GPC5: variants seen among roughly 807,000 people sequenced by gnomAD.
GPC5 encodes the protein glypican-5.
Under a neutral mutation model 53.9 loss-of-function variants are expected in GPC5, and 47 were observed. The ratio of observed to expected loss-of-function variants is 0.87; its 90% CI spans 0.69 to 1.11. The LOEUF (loss-of-function observed/expected upper bound fraction) is 1.11, where lower values mean the gene tolerates loss of function less well. GPC5 is among the 50% of genes most tolerant of loss of function. GPC5 has a pLI of 0.00. For synonymous variants in GPC5, 286 were observed against 263.3 expected (o/e 1.09, Z -0.84); for missense variants, 748 against 713.1 (o/e 1.05, Z -0.56).
At chr13:92,157,825 AG>A (rs2041956669) in intron 7 of GPC5, among the ~76,000 whole-genome samples, 1 of 152,124 alleles carries the variant, frequency 6.6e-6, no homozygotes, top group South Asian at 2.1e-4. Flanking sequence ...ATACCTAACT[AG>A]TATTTTCTCA....
intron 6 of GPC5, among the ~76,000 whole-genome samples, chr13:91,938,738 A>G (rs903249149): frequency 6.6e-6 from 1 of 152,132 alleles, no homozygotes; most frequent in Non-Finnish European, 1.5e-5. Flanking sequence ...CTTGCCTCCT[A>G]CTTACATCAC....
intron 2 of GPC5, among the ~76,000 whole-genome samples, chr13:91,622,527 A>G (rs191779422): frequency 1.2e-3 from 182 of 152,280 alleles, no homozygotes; most frequent in Non-Finnish European, 1.7e-3. Context: ...TTCACGAAGT[A>G]CTATAAAAAA....
At chr13:92,770,900 C>T (rs1020174699) in intron 7 of GPC5, among the ~76,000 whole-genome samples, 1 of 152,146 alleles carries the variant, frequency 6.6e-6, no homozygotes, top group South Asian at 2.1e-4. Flanking sequence ...CCCCACTTGA[C>T]CTCTGCTGAT....
At chr13:92,550,254 A>G (rs1882267319) in intron 7 of GPC5, among the ~76,000 whole-genome samples, 1 of 151,874 alleles carries the variant, frequency 6.6e-6, no homozygotes, top group African/African-American at 2.4e-5. Context: ...ATGCATTCTC[A>G]GCAAGAAGGA....
chr13:92,631,464 G>T (rs985463926), intron 7 of GPC5, among the ~76,000 whole-genome samples: 1 of 152,094 alleles, frequency 6.6e-6, no homozygotes, highest in Admixed American at 6.6e-5. Context: ...AAATGCATTT[G>T]CTTTGAGAAA....
intron 6 of GPC5, among the ~76,000 whole-genome samples, chr13:92,103,651 T>C (rs1566436411): frequency 6.6e-6 from 1 of 152,158 alleles, no homozygotes; most frequent in East Asian, 1.9e-4. Flanking sequence ...TATCTGAAAA[T>C]GTGCATGTGT....
chr13:92,269,685 C>T (rs569103651), intron 7 of GPC5, among the ~76,000 whole-genome samples: 65 of 152,270 alleles, frequency 4.3e-4, no homozygotes, highest in African/African-American at 1.3e-3. Context: ...GGATTACAGG[C>T]GTGAGCCACC....
chr13:91,684,724 C>T (rs994876095), intron 2 of GPC5, among the ~76,000 whole-genome samples: 1 of 152,198 alleles, frequency 6.6e-6, no homozygotes, highest in African/African-American at 2.4e-5. Context: ...ATATCAGCCA[C>T]TGTTATCCTT....
At chr13:91,411,261 G>A (rs182409128) in intron 1 of GPC5, among the ~76,000 whole-genome samples, 41 of 152,350 alleles carry the variant, frequency 2.7e-4, no homozygotes, top group Non-Finnish European at 5.1e-4. Context: ...ATTCTCTAAT[G>A]TCTGATTGGC....
At chr13:92,266,044 T>C (rs1407405426) in intron 7 of GPC5, among the ~76,000 whole-genome samples, 1 of 152,188 alleles carries the variant, frequency 6.6e-6, no homozygotes, top group South Asian at 2.1e-4. Context: ...AACAATAGCA[T>C]TAATCCATTT....
intron 2 of GPC5, among the ~76,000 whole-genome samples, chr13:91,568,819 G>A (rs2031655166): frequency 1.3e-5 from 2 of 150,396 alleles, no homozygotes; most frequent in South Asian, 4.2e-4. Flanking sequence ...TGCAATCTGA[G>A]CTCACTGCAA....
chr13:91,662,710 A>G (rs1392496437), intron 2 of GPC5, among the ~76,000 whole-genome samples: 1 of 152,066 alleles, frequency 6.6e-6, no homozygotes, highest in Non-Finnish European at 1.5e-5. Context: ...CACCTGGACT[A>G]TTACCCTAGT....
intron 7 of GPC5, among the ~76,000 whole-genome samples, chr13:92,276,197 T>C (rs924198848): frequency 6.6e-6 from 1 of 152,112 alleles, no homozygotes; most frequent in African/African-American, 2.4e-5. Flanking sequence ...CATGTCAAAT[T>C]TTGTTCCTTT....
At chr13:92,404,539 CA>C (rs1317643283) in intron 7 of GPC5, among the ~76,000 whole-genome samples, 7 of 152,172 alleles carry the variant, frequency 4.6e-5, no homozygotes, top group African/African-American at 1.7e-4. Context: ...TGTATTCATA[CA>C]ATAAAATTTT....
chr13:92,256,369 A>C (rs1432307716), intron 7 of GPC5, among the ~76,000 whole-genome samples: 1 of 151,938 alleles, frequency 6.6e-6, no homozygotes, highest in East Asian at 1.9e-4. Flanking sequence ...AACAACAAAA[A>C]ATGAGAATCA....
At chr13:92,066,488 T>C (rs750510977) in intron 6 of GPC5, among the ~76,000 whole-genome samples, 3 of 151,776 alleles carry the variant, frequency 2.0e-5, no homozygotes, top group Non-Finnish European at 4.4e-5. Context: ...TCCTCAGCTC[T>C]TAATAGTGTT....
In GPC5 at chr13:91,693,760, A is replaced by G. The variant is rs1261664128; in HGVS notation, c.899A>G (p.Glu300Gly). The change falls in exon 3 of 8, where the codon GAA becomes GGA. Residue 300 changes from glutamate (E) to glycine (G), a missense_variant. Coordinates refer to ENST00000377067, the MANE Select transcript of GPC5 (RefSeq NM_004466.6). Reference protein sequence around the residue: ...PHWHAYIRSLEELSDAMHGTY... With the variant: ...PHWHAYIRSLGELSDAMHGTY... The stretch of plus-strand genomic sequence containing the variant: ...TGGCATGCATATATCCGGTCGTTGG[A>G]AGAACTCTCGGATGCAATGCATGGA... 5 of 1,614,040 alleles carry G rather than the reference A, an allele frequency of 3.1e-6. No individual in the cohort carries two copies. The highest frequency in any genetic ancestry group is 4.2e-6 in the Non-Finnish European group (5 of 1,180,026).
chr13:92,040,617 C>G (rs771839258), intron 6 of GPC5, among the ~76,000 whole-genome samples: 1 of 152,168 alleles, frequency 6.6e-6, no homozygotes, highest in Non-Finnish European at 1.5e-5. Flanking sequence ...GGAGAAGGTG[C>G]TCCTTACAAT....
At chr13:91,796,362 T>C (rs1847717) in intron 5 of GPC5, among the ~76,000 whole-genome samples, 54,607 of 151,966 alleles carry the variant, frequency 0.36, 11,127 homozygotes, top group African/African-American at 0.56. Flanking sequence ...GGGTCTGCAA[T>C]GACAGCAATC....
Sources: allele counts gnomAD v4.1 joint callset (sites outside exome capture counted in the v4.1 genomes callset), GRCh38; gene constraint gnomAD v4.1.1; transcripts MANE v1.5; gene names NCBI Gene and HGNC (gene_info 2026-07-23, HGNC 2026-07-21).